Variants in MMP26 observed in about 807,000 individuals in gnomAD.
MMP26 encodes matrix metallopeptidase 26.
In MMP26, 33 loss-of-function variants were observed where a neutral mutation model predicts 31.0. The ratio of observed to expected loss-of-function variants is 1.06; its 90% CI spans 0.81 to 1.42. The LOEUF (loss-of-function observed/expected upper bound fraction) is 1.42. Among genes scored for constraint, MMP26 ranks in the 40% most tolerant of loss-of-function variants. MMP26 has a pLI of 0.00. For synonymous variants in MMP26, 122 were observed against 114.9 expected (o/e 1.06, Z -0.40); for missense variants, 347 against 316.1 (o/e 1.10, Z -0.74).
chr11:4,836,533 C>T (rs1849721225), intron 2 of MMP26, among the ~76,000 whole-genome samples: 1 of 151,016 alleles, frequency 6.6e-6, no homozygotes, highest in African/African-American at 2.4e-5. Flanking sequence ...AGTAAATATC[C>T]ACCTTGATTA....
rs1331097584 is a variant in MMP26, at chr11:4,891,759, T to A, written c.-144-96309T>A. On this transcript the variant is annotated intron_variant, in intron 2 of 7. Coordinates refer to ENST00000380390, the MANE Select transcript of MMP26 (RefSeq NM_021801.5). ...TTGAGGATGGGAGGAAAGAAGAGAT[T>A]CTTGGATTTTCTCTATAGCTCAACA... Among the ~76,000 whole-genome samples, 3 of 152,160 alleles carry A rather than the reference T, an allele frequency of 2.0e-5. No individual in the cohort carries two copies. In the East Asian group the frequency reaches 5.8e-4, roughly 29 times the overall value.
chr11:4,758,469 A>G (rs1167559673), intron 1 of MMP26, among the ~76,000 whole-genome samples: 1 of 76,368 alleles, frequency 1.3e-5, no homozygotes, highest in Non-Finnish European at 2.6e-5. Context: ...CCATTTGGAA[A>G]AAAAAAAAAA....
chr11:4,792,490 A>T (rs1327646719), intron 2 of MMP26, among the ~76,000 whole-genome samples: 1 of 152,124 alleles, frequency 6.6e-6, no homozygotes, highest in Non-Finnish European at 1.5e-5. Flanking sequence ...GAGAGTAAAG[A>T]GCCTTGTTTG....
intron 1 of MMP26, among the ~76,000 whole-genome samples, chr11:4,743,898 T>A (rs1202740484): frequency 6.6e-6 from 1 of 152,124 alleles, no homozygotes; most frequent in Non-Finnish European, 1.5e-5. Context: ...CTTGACCTCC[T>A]GGGCTCAAGT....
chr11:4,890,979 G>GAATAATAATAATAATAAT (rs71050436), intron 2 of MMP26, among the ~76,000 whole-genome samples: 51 of 137,116 alleles, frequency 3.7e-4, no homozygotes, highest in East Asian at 8.8e-4. Context: ...AATGAACTCA[G>GAATAATAATAATAATAAT]AATAATAATA....
intron 2 of MMP26, among the ~76,000 whole-genome samples, chr11:4,938,620 C>A (rs773126019): frequency 6.6e-6 from 1 of 152,096 alleles, no homozygotes; most frequent in Non-Finnish European, 1.5e-5. Flanking sequence ...CATGAAAATA[C>A]TCATGTCTTA....
intron 2 of MMP26, among the ~76,000 whole-genome samples, chr11:4,895,154 A>G (rs1353653243): frequency 1.3e-5 from 2 of 152,176 alleles, no homozygotes; most frequent in South Asian, 2.1e-4. Flanking sequence ...AAAGCTTCAG[A>G]TTTTACTACT....
intron 2 of MMP26, among the ~76,000 whole-genome samples, chr11:4,898,192 G>T (rs528503941): frequency 1.3e-5 from 2 of 151,798 alleles, no homozygotes; most frequent in Non-Finnish European, 2.9e-5. Flanking sequence ...GAGAAATTTT[G>T]AATTCCAGGT....
intron 1 of MMP26, among the ~76,000 whole-genome samples, chr11:4,741,461 T>C (rs980478749): frequency 6.6e-6 from 1 of 152,162 alleles, no homozygotes; most frequent in Non-Finnish European, 1.5e-5. Flanking sequence ...ATGCATACTA[T>C]GCAGTCAATA....
At position 4,771,710 on chromosome 11, in the gene MMP26, CA is replaced by C. The variant is rs372140589; in HGVS notation, c.-145+4371del. On this transcript the variant is annotated intron_variant, in intron 2 of 7. Transcript: ENST00000380390. Reference sequence around the variant, plus strand: ...GAGTAAATATTCTGTAGCAAGGATACAAGTTACTGTTCCCTTTATGCTAGTA... The same window carrying C: ...GAGTAAATATTCTGTAGCAAGGATACAGTTACTGTTCCCTTTATGCTAGTA... Among the ~76,000 whole-genome samples the C allele has an allele frequency of 3.4e-4, 52 of 152,230 alleles. 1 individual carries two copies. The South Asian group carries it at 0.011, about 32-fold the overall frequency.
intron 2 of MMP26, among the ~76,000 whole-genome samples, chr11:4,809,901 C>T (rs550797370): frequency 6.6e-6 from 1 of 152,292 alleles, no homozygotes; most frequent in African/African-American, 2.4e-5. Flanking sequence ...TGATCACTCA[C>T]CCAGACCTCT....
At chr11:4,707,862 C>A (rs567062392) in intron 1 of MMP26, among the ~76,000 whole-genome samples, 1 of 152,102 alleles carries the variant, frequency 6.6e-6, no homozygotes, top group African/African-American at 2.4e-5. Flanking sequence ...GATCGTAGGT[C>A]TGAGAAAAAA....
At chr11:4,856,980 C>T (rs372558546) in intron 2 of MMP26, among the ~76,000 whole-genome samples, 1 of 152,060 alleles carries the variant, frequency 6.6e-6, no homozygotes, top group East Asian at 1.9e-4. Flanking sequence ...CTACTGGGTA[C>T]ATAACAAAAT....
chr11:4,760,882 AG>A (rs781611707), intron 1 of MMP26, among the ~76,000 whole-genome samples: 1 of 152,248 alleles, frequency 6.6e-6, no homozygotes, highest in Non-Finnish European at 1.5e-5. Context: ...AGTGTGTGCC[AG>A]TGACTGTATT....
In MMP26 at chr11:4,961,146, T is replaced by G. The variant is rs141375598; in HGVS notation, c.-144-26922T>G. ...GAAATTTTGTCTTCACAACTGCAGA[T>G]GTACCTAAAGGATATTTCTTCATTT... On this transcript the variant is annotated intron_variant, in intron 2 of 7. Transcript: ENST00000380390. Among the ~76,000 whole-genome samples, 475 of 152,342 alleles carry G rather than the reference T, an allele frequency of 3.1e-3. 1 individual carries two copies. Among genetic ancestry groups the G allele is most frequent in the African/African-American group, 0.011 (464 of 41,578 alleles).
At chr11:4,907,359 T>A (rs772320376) in intron 2 of MMP26, 1 of 1,566,282 alleles carries the variant, frequency 6.4e-7, no homozygotes, top group South Asian at 1.1e-5. Context: ...CGAGCTCATA[T>A]CTCCCTCATT....
intron 3 of MMP26, 23 bp from the exon 4 acceptor site, chr11:4,989,625 T>A (rs1343723800): frequency 6.3e-7 from 1 of 1,590,184 alleles, no homozygotes; most frequent in Non-Finnish European, 8.6e-7. Context: ...CTCTTAGTAC[T>A]CATCCTTCTT....
intron 2 of MMP26, chr11:4,860,563 A>G: frequency 2.2e-6 from 1 of 460,246 alleles, no homozygotes; most frequent in Non-Finnish European, 4.5e-6. Context: ...CAAGTTCGTC[A>G]TGTTGTTCTC....
chr11:4,943,782 C>T (rs1227147026), intron 2 of MMP26: 1 of 407,844 alleles, frequency 2.5e-6, no homozygotes, highest in East Asian at 7.2e-5. Context: ...AATCATTATG[C>T]TGACCATAAA....
Sources: allele counts gnomAD v4.1 joint callset (sites outside exome capture counted in the v4.1 genomes callset), GRCh38; gene constraint gnomAD v4.1.1; transcripts MANE v1.5; gene names NCBI Gene and HGNC (gene_info 2026-07-23, HGNC 2026-07-21).